FGR: variants seen among roughly 807,000 people sequenced by gnomAD.
The protein encoded by FGR is tyrosine-protein kinase Fgr.
A neutral mutation model predicts 63.2 loss-of-function variants in FGR; 26 were observed. The ratio of observed to expected loss-of-function variants is 0.41; its 90% confidence interval spans 0.30 to 0.57. The LOEUF (loss-of-function observed/expected upper bound fraction) is 0.57, where lower values mean the gene tolerates loss of function less well. FGR is among the 20% of genes least tolerant of loss of function. The pLI, the probability that FGR is intolerant of heterozygous loss-of-function variation, is 0.27. For synonymous variants in FGR, 286 were observed against 277.7 expected (o/e 1.03, Z -0.30); for missense variants, 511 against 690.8 (o/e 0.74, Z 2.92).
At chr1:27,628,920 A>C in intron 1 of FGR, among the ~76,000 whole-genome samples, 1 of 152,236 alleles carries the variant, frequency 6.6e-6, no homozygotes, top group Non-Finnish European at 1.5e-5. Context: ...TCTGGGGACC[A>C]GTATGCTGAG....
intron 1 of FGR, among the ~76,000 whole-genome samples, chr1:27,628,516 T>TACAC (rs56021900): frequency 0.028 from 2,535 of 91,236 alleles, 49 homozygotes; most frequent in East Asian, 0.16. Context: ...CATGTAGGGA[T>TACAC]ACACACACAC....
At chr1:27,630,695 A>G (rs2148532284) in intron 1 of FGR, among the ~76,000 whole-genome samples, 1 of 152,184 alleles carries the variant, frequency 6.6e-6, no homozygotes, top group South Asian at 2.1e-4. Flanking sequence ...CTAATACCAG[A>G]AAGGGGGCAG....
chr1:27,628,608 A>G (rs1374582786), intron 1 of FGR, among the ~76,000 whole-genome samples: 1 of 151,382 alleles, frequency 6.6e-6, no homozygotes, highest in Non-Finnish European at 1.5e-5. Context: ...GCTCTCCTCT[A>G]TAGGAGAACA....
chr1:27,632,844 C>T (rs974399298), intron 1 of FGR, among the ~76,000 whole-genome samples: 1 of 152,064 alleles, frequency 6.6e-6, no homozygotes, highest in African/African-American at 2.4e-5. Flanking sequence ...GGGAGTGGGG[C>T]GGTGAGGGGG....
chr1:27,619,798 G>A lies in FGR; in HGVS notation c.428+1761C>T, dbSNP rs112055047. ...ACTTATACCTGCTCCTGTGTTTCCC[G>A]CCTTAGCAAATGGTGCCATCATCCA... On this transcript the variant is annotated intron_variant, in intron 5 of 12. Coordinates refer to ENST00000374005, the MANE Select transcript of FGR (RefSeq NM_005248.3). Among the ~76,000 whole-genome samples, 75 of 152,212 alleles carry A rather than the reference G, an allele frequency of 4.9e-4. 2 individuals are homozygous for A. In the Middle Eastern group the frequency reaches 0.02, roughly 41 times the overall value.
At chr1:27,634,361 G>A (rs556887332) in intron 1 of FGR, among the ~76,000 whole-genome samples, 1 of 152,276 alleles carries the variant, frequency 6.6e-6, no homozygotes, top group East Asian at 1.9e-4. Flanking sequence ...ACTTCCCCAG[G>A]AAGCGGGGAC....
At chr1:27,634,651 A>T (rs1216428184) in intron 1 of FGR, among the ~76,000 whole-genome samples, 10 of 133,454 alleles carry the variant, frequency 7.5e-5, no homozygotes, top group African/African-American at 1.2e-4. Context: ...TCCTGGACCC[A>T]TCAGACCCGT....
In FGR at chr1:27,617,254, C is replaced by G. The variant is rs754615461; in HGVS notation, c.471G>C (p.Gln157His). ...CCTGGGGGTTGCCTGGTGAAAGCAG[C>G]TGCCTCTCTGCATCCTTTCTCCCAA... ...GKIGRKDAER[Q>H]LLSPGNPQGA... Residue 157 changes from glutamine to histidine, a missense_variant, in exon 6 of 13, where the codon CAG becomes CAC. By Grantham distance (24) the Gln-to-His change is conservative (BLOSUM62 0). Coordinates refer to ENST00000374005, the MANE Select transcript of FGR (RefSeq NM_005248.3). This position sits in a 1 kb window ranked among gnomAD's most constrained non-coding sequence, Gnocchi z 4.5. The G allele has an allele frequency of 8.1e-6, 13 of 1,614,104 alleles. No individual in the cohort carries two copies. The highest frequency in any genetic ancestry group is 3.3e-4 in the Middle Eastern group (2 of 6,082).
chr1:27,614,353 G>A, intron 11 of FGR, 77 bp downstream of exon 11: 1 of 1,497,344 alleles, frequency 6.7e-7, no homozygotes, highest in Non-Finnish European at 9.1e-7. Flanking sequence ...GTGAGGAAGG[G>A]TTCCTGAGTG....
chr1:27,631,331 C>T (rs76443568), intron 1 of FGR, among the ~76,000 whole-genome samples: 1,751 of 152,288 alleles, frequency 0.011, 20 homozygotes, highest in Middle Eastern at 0.048. Context: ...TCCCACTCAC[C>T]CCTACTGCTG....
intron 2 of FGR, among the ~76,000 whole-genome samples, chr1:27,624,719 G>A (rs1183475740): frequency 6.6e-6 from 1 of 152,122 alleles, no homozygotes; most frequent in Non-Finnish European, 1.5e-5. Flanking sequence ...GTGTGTGCCT[G>A]TCTGTGTGAG....
chr1:27,614,715 T>C (rs1268779850), intron 10 of FGR, 132 bp from the exon 11 acceptor site: 1 of 1,341,754 alleles, frequency 7.5e-7, no homozygotes. Flanking sequence ...AGAGAGGCAG[T>C]ACCTCTCAGG....
At chr1:27,627,432 A>G (rs1191985459) in intron 1 of FGR, among the ~76,000 whole-genome samples, 2 of 139,328 alleles carry the variant, frequency 1.4e-5, no homozygotes, top group Non-Finnish European at 3.1e-5. Flanking sequence ...CTGCACATAG[A>G]TGTGCATGCA....
At chr1:27,626,783 C>T (rs2148530674) in intron 1 of FGR, among the ~76,000 whole-genome samples, 1 of 152,216 alleles carries the variant, frequency 6.6e-6, no homozygotes, top group East Asian at 1.9e-4. Flanking sequence ...AGAGCCAGGG[C>T]AGAAAATAGA....
chr1:27,619,179 T>A (rs1557731392), intron 5 of FGR, among the ~76,000 whole-genome samples: 1 of 152,314 alleles, frequency 6.6e-6, no homozygotes, highest in Non-Finnish European at 1.5e-5. Context: ...TATAGCTTTT[T>A]TAAAAATTTT....
At chr1:27,614,633 C>A in intron 10 of FGR, 50 bp from the exon 11 acceptor site, 2 of 1,598,608 alleles carry the variant, frequency 1.3e-6, no homozygotes, top group Non-Finnish European at 1.7e-6. Context: ...ACTCACAACA[C>A]CGTGGCCTGT....
At chr1:27,632,427 C>T (rs1340348501) in intron 1 of FGR, among the ~76,000 whole-genome samples, 1 of 152,072 alleles carries the variant, frequency 6.6e-6, no homozygotes, top group African/African-American at 2.4e-5. Flanking sequence ...CGTGAGCCAC[C>T]GTGCCCTGCC....
rs139659605 is a variant in FGR, at chr1:27,616,203, C to G, written c.683-359G>C. On this transcript the variant is annotated intron_variant, in intron 7 of 12. Coordinates refer to ENST00000374005, the MANE Select transcript of FGR (RefSeq NM_005248.3). The surrounding 1 kb of genome is among the most constrained non-coding windows in gnomAD (Gnocchi z 4.3). ...TGTGGACATGAGGCCCACGGTCTTC[C>G]GTGGACCTCATCCTTGGCATAACCA... Among the ~76,000 whole-genome samples, 1 of 152,302 alleles carries G rather than the reference C, an allele frequency of 6.6e-6. No homozygotes were observed. Among genetic ancestry groups the G allele is most frequent in the African/African-American group, 2.4e-5 (1 of 41,568 alleles).
At position 27,617,632 on chromosome 1, in the gene FGR, A is replaced by G. The variant is rs754157317; in HGVS notation, c.429-336T>C. The stretch of plus-strand genomic sequence containing the variant: ...TTTACAGATGAGGAAGTTGAGGCTC[A>G]GAGAGGGAAAGTGACCTGTCCACAG... On this transcript the variant is annotated intron_variant, in intron 5 of 12. Transcript: ENST00000374005. The surrounding 1 kb of genome is among the most constrained non-coding windows in gnomAD (Gnocchi z 4.5). Among the ~76,000 whole-genome samples the G allele has an allele frequency of 4.6e-5, 7 of 152,170 alleles. No individual in the cohort carries two copies. Among genetic ancestry groups the G allele is most frequent in the Non-Finnish European group, 7.4e-5 (5 of 68,020 alleles).
Sources: allele counts gnomAD v4.1 joint callset (sites outside exome capture counted in the v4.1 genomes callset), GRCh38; gene constraint gnomAD v4.1.1; non-coding constraint Gnocchi (gnomAD v3.1); transcripts MANE v1.5; gene names NCBI Gene and HGNC (gene_info 2026-07-23, HGNC 2026-07-21).